Variants in DHX35 observed in about 807,000 individuals in gnomAD.
The protein encoded by DHX35 is DEAH-box helicase 35, also known as probable ATP-dependent RNA helicase DHX35.
A neutral mutation model predicts 99.6 loss-of-function variants in DHX35; 84 were observed. The observed-to-expected ratio is 0.84, with a 90% CI of 0.71 to 1.01. The LOEUF (loss-of-function observed/expected upper bound fraction) is 1.01, where lower values mean the gene tolerates loss of function less well. Among genes scored for constraint, DHX35 ranks in the 50% least tolerant of loss-of-function variants. The probability of loss-of-function intolerance (pLI) is 0.00; values close to 1 mark genes in which losing one functional copy is unlikely to be tolerated. For missense variants in DHX35, 852 were observed against 888.5 expected (o/e 0.96, Z 0.52); for synonymous variants, 331 against 316.2 (o/e 1.05, Z -0.50).
intron 19 of DHX35, chr20:39,030,475 C>T (rs1042431022): frequency 3.0e-5 from 16 of 530,144 alleles, no homozygotes; most frequent in African/African-American, 2.3e-4. Context: ...TCTAAGTGTC[C>T]GCGTGTTGCT....
chr20:38,975,143 G>T (rs1284817249), intron 3 of DHX35, among the ~76,000 whole-genome samples: 1 of 152,012 alleles, frequency 6.6e-6, no homozygotes, highest in Non-Finnish European at 1.5e-5. Flanking sequence ...AATAGGTTGG[G>T]ACCCAGATGT....
At chr20:39,012,969 G>A (rs1048878193) in intron 13 of DHX35, among the ~76,000 whole-genome samples, 7 of 151,978 alleles carry the variant, frequency 4.6e-5, no homozygotes, top group Admixed American at 2.0e-4. Flanking sequence ...TTAATGAGCC[G>A]TAGAAATGTC....
chr20:39,030,706 C>T lies in DHX35; in HGVS notation c.1886C>T (p.Thr629Ile), dbSNP rs1371740488. 2 of 1,613,978 alleles carry T rather than the reference C, an allele frequency of 1.2e-6. No individual in the cohort carries two copies. The highest frequency in any genetic ancestry group is 1.7e-6 in the Non-Finnish European group (2 of 1,179,984). Residue 629 changes from threonine to isoleucine, a missense_variant and splice_region_variant, in exon 20 of 22, where the codon ACC becomes ATC. Physicochemically the swap from Thr to Ile is moderately conservative, Grantham distance 89 (BLOSUM62 -1). Coordinates refer to ENST00000252011, the MANE Select transcript of DHX35 (RefSeq NM_021931.4). ...ACAAAATTCTTCTATGTTCCAAGGA[C>T]CATCCGTGATGACCATGAGCTGCAC... Reference protein sequence around the residue: ...ARFHSTGAYRTIRDDHELHIH... With the variant: ...ARFHSTGAYRIIRDDHELHIH...
chr20:39,034,152 C>T (rs1242487425), intron 20 of DHX35, 54 bp from the exon 21 acceptor site: 4 of 1,324,228 alleles, frequency 3.0e-6, no homozygotes, highest in Non-Finnish European at 4.3e-6. Flanking sequence ...ACCTGTGGTT[C>T]CTGACTGTCA....
At chr20:38,983,105 T>C (rs1218812766) in intron 3 of DHX35, among the ~76,000 whole-genome samples, 1 of 152,140 alleles carries the variant, frequency 6.6e-6, no homozygotes, top group Admixed American at 6.5e-5. Context: ...TTTTATATTT[T>C]TGGTAGAGAC....
chr20:38,993,797 G>A (rs992950465), intron 7 of DHX35, among the ~76,000 whole-genome samples: 1 of 151,812 alleles, frequency 6.6e-6, no homozygotes, highest in Non-Finnish European at 1.5e-5. Context: ...ATTGCAGAGA[G>A]TTCTTTTAGA....
At chr20:38,968,297 T>C (rs550617179) in intron 1 of DHX35, among the ~76,000 whole-genome samples, 3 of 152,260 alleles carry the variant, frequency 2.0e-5, no homozygotes, top group African/African-American at 7.2e-5. Flanking sequence ...CTGCAAGACG[T>C]GCCAAGATGA....
intron 1 of DHX35, among the ~76,000 whole-genome samples, chr20:38,967,134 C>T (rs1003852255): frequency 0.024 from 2 of 84 alleles, no homozygotes; most frequent in African/African-American, 0.077. Flanking sequence ...AGGGGGTCTA[C>T]GGACCCCCCC....
intron 3 of DHX35, chr20:38,978,315 A>G: frequency 1.3e-6 from 1 of 759,174 alleles, no homozygotes; most frequent in African/African-American, 1.7e-5. Context: ...GCTCATCTTC[A>G]TCATTATCCA....
chr20:39,030,869 ATTG>A (rs1310507161), intron 20 of DHX35, 94 bp downstream of exon 20: 8 of 1,412,668 alleles, frequency 5.7e-6, no homozygotes, highest in Non-Finnish European at 7.0e-6. Context: ...CGCCTCTAGA[ATTG>A]CTGCTCTGGG....
chr20:38,993,140 A>C (rs1010052382), intron 7 of DHX35, among the ~76,000 whole-genome samples: 2 of 152,220 alleles, frequency 1.3e-5, no homozygotes, highest in Non-Finnish European at 2.9e-5. Flanking sequence ...GATTAAGAGC[A>C]TAGGCATTGA....
chr20:39,030,287 T>G (rs2087027593), intron 19 of DHX35: 1 of 161,388 alleles, frequency 6.2e-6, no homozygotes, highest in South Asian at 1.7e-4. Flanking sequence ...CTGTGAGCTT[T>G]CTTTTTTCAT....
chr20:39,012,198 G>A (rs2086713403), intron 13 of DHX35, among the ~76,000 whole-genome samples: 1 of 152,066 alleles, frequency 6.6e-6, no homozygotes. Flanking sequence ...GCAGTGAGCT[G>A]AGATTGTGCC....
intron 3 of DHX35, among the ~76,000 whole-genome samples, chr20:38,981,417 C>T (rs185874194): frequency 6.6e-6 from 1 of 152,190 alleles, no homozygotes; most frequent in Non-Finnish European, 1.5e-5. Flanking sequence ...TTCATAGATA[C>T]TTATTTTTTT....
intron 20 of DHX35, among the ~76,000 whole-genome samples, chr20:39,033,397 G>A (rs926634143): frequency 1.3e-5 from 2 of 152,188 alleles, no homozygotes; most frequent in African/African-American, 4.8e-5. Flanking sequence ...AAGAAAGGTT[G>A]GGGAAATAGA....
At chr20:38,969,020 C>G in intron 1 of DHX35, 61 bp from the exon 2 acceptor site, 1 of 1,505,080 alleles carries the variant, frequency 6.6e-7, no homozygotes, top group Non-Finnish European at 8.9e-7. Flanking sequence ...AGTTTATAAA[C>G]TTAACACCTT....
intron 14 of DHX35, among the ~76,000 whole-genome samples, chr20:39,018,342 G>A (rs542783999): frequency 3.9e-5 from 6 of 152,172 alleles, no homozygotes; most frequent in East Asian, 1.9e-4. Flanking sequence ...GTTGGGGGCC[G>A]GGAGCTGGCG....
chr20:39,027,211 A>C (rs2086971066), intron 18 of DHX35, among the ~76,000 whole-genome samples: 1 of 152,248 alleles, frequency 6.6e-6, no homozygotes, highest in South Asian at 2.1e-4. Context: ...ATATTTAGAC[A>C]TGTAGATTTG....
At position 38,996,606 on chromosome 20, in the gene DHX35, T is replaced by C. The variant is rs562887460; in HGVS notation, c.642+1726T>C. ...ATGGAGTCTCTAGTAAGGAGGCCAG[T>C]TCTGAAATCCAGGTGAGATGTGGTC... On this transcript the variant is annotated intron_variant, in intron 8 of 21. Coordinates refer to ENST00000252011, the MANE Select transcript of DHX35 (RefSeq NM_021931.4). Among the ~76,000 whole-genome samples, 6 of 152,288 alleles carry C rather than the reference T, an allele frequency of 3.9e-5. No individual in the cohort carries two copies. The East Asian group carries it at 7.7e-4, about 20-fold the overall frequency.
Sources: gnomAD v4.1 joint callset for allele counts (sites outside exome capture counted in the v4.1 genomes callset) on GRCh38, gnomAD v4.1.1 for gene constraint, MANE v1.5 for transcripts, NCBI Gene and HGNC (gene_info 2026-07-23, HGNC 2026-07-21) for gene names.